ZFAT: variants seen among roughly 807,000 people sequenced by gnomAD.
ZFAT encodes the protein zinc finger and AT-hook domain containing.
A neutral mutation model predicts 117.7 loss-of-function variants in ZFAT; 64 were observed. The ratio of observed to expected loss-of-function variants is 0.54; its 90% CI spans 0.44 to 0.67. The LOEUF (loss-of-function observed/expected upper bound fraction) is 0.67, where lower values mean the gene tolerates loss of function less well. Ranked by LOEUF, ZFAT falls within the 30% of genes least tolerant of loss-of-function variation. ZFAT has a pLI of 0.00. For missense variants in ZFAT, 1,433 were observed against 1,584.5 expected (o/e 0.90, Z 1.62); for synonymous variants, 679 against 615.0 (o/e 1.10, Z -1.54).
At chr8:134,712,716 TC>T (rs1814056866) in intron 1 of ZFAT, 128 bp downstream of exon 1, 1 of 736,434 alleles carries the variant, frequency 1.4e-6, no homozygotes, top group African/African-American at 2.2e-5. Flanking sequence ...CCCGGATCCC[TC>T]CGCGGCCGGC....
intron 7 of ZFAT, 131 bp from the exon 8 acceptor site, chr8:134,590,486 C>G (rs898114720): frequency 1.5e-6 from 1 of 646,114 alleles, no homozygotes; most frequent in African/African-American, 1.8e-5. Context: ...CAGTCATCAC[C>G]ACCACCACCA....
At chr8:134,816,772 G>A in the ZFAT span, among the ~76,000 whole-genome samples, 2 of 152,130 alleles carry the variant, frequency 1.3e-5, no homozygotes, top group African/African-American at 4.8e-5. Flanking sequence ...CAGGAGGTCA[G>A]GAGTTCGAGA....
the ZFAT span, among the ~76,000 whole-genome samples, chr8:134,789,429 A>C: frequency 6.6e-6 from 1 of 152,200 alleles, no homozygotes; most frequent in South Asian, 2.1e-4. Context: ...TTCCCTTGGA[A>C]TGATTTTGCT....
intron 15 of ZFAT, among the ~76,000 whole-genome samples, chr8:134,486,768 C>T (rs1332685143): frequency 6.6e-6 from 1 of 152,096 alleles, no homozygotes; most frequent in Admixed American, 6.6e-5. Flanking sequence ...GTGAGCACCA[C>T]GATGAGCAGG....
chr8:134,726,504 CCT>C, the ZFAT span, among the ~76,000 whole-genome samples: 2 of 152,140 alleles, frequency 1.3e-5, no homozygotes, highest in Non-Finnish European at 2.9e-5. Flanking sequence ...CACCAATTTG[CCT>C]CTTAGTGCAC....
At chr8:134,600,390 T>C (rs1400703765) in intron 7 of ZFAT, 46 bp downstream of exon 7, 3 of 1,533,352 alleles carry the variant, frequency 2.0e-6, no homozygotes, top group Non-Finnish European at 2.7e-6. Context: ...GAGAAAGCAA[T>C]GAGCACCCAG....
intron 15 of ZFAT, among the ~76,000 whole-genome samples, chr8:134,494,088 C>A (rs945360706): frequency 6.6e-6 from 1 of 152,056 alleles, no homozygotes; most frequent in African/African-American, 2.4e-5. Context: ...CCAGGCCTGG[C>A]GTGGCAGCTC....
chr8:134,521,717 CAA>C (rs1227245250), intron 12 of ZFAT, among the ~76,000 whole-genome samples: 1 of 152,152 alleles, frequency 6.6e-6, no homozygotes, highest in African/African-American at 2.4e-5. Flanking sequence ...GCAGCCTGTA[CAA>C]AAGTCTCTTT....
At chr8:134,753,443 C>T in the ZFAT span, among the ~76,000 whole-genome samples, 1 of 152,228 alleles carries the variant, frequency 6.6e-6, no homozygotes, top group Admixed American at 6.5e-5. Context: ...CACACTCGCA[C>T]ATGACTGGCT....
intron 15 of ZFAT, among the ~76,000 whole-genome samples, chr8:134,485,405 T>A (rs1394841483): frequency 6.6e-6 from 1 of 152,196 alleles, no homozygotes; most frequent in Non-Finnish European, 1.5e-5. Context: ...CTCTTTCCTC[T>A]CTAATGAGAA....
At chr8:134,631,986 A>C (rs578104707) in intron 3 of ZFAT, among the ~76,000 whole-genome samples, 103 of 152,274 alleles carry the variant, frequency 6.8e-4, no homozygotes, top group African/African-American at 2.3e-3. Context: ...CTATGACTTC[A>C]AATATTTTAT....
chr8:134,722,155 A>G, the ZFAT span, among the ~76,000 whole-genome samples: 1 of 152,196 alleles, frequency 6.6e-6, no homozygotes, highest in Non-Finnish European at 1.5e-5. Flanking sequence ...TCACGGGAGA[A>G]AAAAAGCTCT....
intron 13 of ZFAT, among the ~76,000 whole-genome samples, chr8:134,516,613 T>C (rs1050147760): frequency 6.6e-6 from 1 of 152,120 alleles, no homozygotes; most frequent in Non-Finnish European, 1.5e-5. Flanking sequence ...GGTGGGAAGA[T>C]TGCTTGAGGC....
chr8:134,790,498 T>G, the ZFAT span, among the ~76,000 whole-genome samples: 158 of 152,260 alleles, frequency 1.0e-3, no homozygotes, highest in Non-Finnish European at 1.7e-3. Flanking sequence ...GGAGTATGCA[T>G]GAGAGAAGGA....
chr8:134,695,267 C>G (rs1003662868), intron 1 of ZFAT, among the ~76,000 whole-genome samples: 1 of 152,180 alleles, frequency 6.6e-6, no homozygotes, highest in African/African-American at 2.4e-5. Context: ...CGGCTCTGCT[C>G]CCAGTAGGGC....
chr8:134,578,304 G>C (rs551739378), intron 10 of ZFAT, among the ~76,000 whole-genome samples: 35 of 151,798 alleles, frequency 2.3e-4, no homozygotes, highest in African/African-American at 8.5e-4. Flanking sequence ...CCAGCTACTC[G>C]GGAGGCTGAG....
At chr8:134,761,303 A>G in the ZFAT span, among the ~76,000 whole-genome samples, 1 of 152,160 alleles carries the variant, frequency 6.6e-6, no homozygotes, top group South Asian at 2.1e-4. Flanking sequence ...GGGAAGACAG[A>G]GCAAGCATTT....
At chr8:134,537,178 C>T (rs1056331347) in intron 11 of ZFAT, among the ~76,000 whole-genome samples, 2 of 152,282 alleles carry the variant, frequency 1.3e-5, no homozygotes, top group Non-Finnish European at 2.9e-5. Flanking sequence ...ATGGTACGTG[C>T]AATTATTATC....
At chr8:134,630,985 G>A (rs908788965) in intron 3 of ZFAT, among the ~76,000 whole-genome samples, 2 of 152,198 alleles carry the variant, frequency 1.3e-5, no homozygotes, top group Non-Finnish European at 2.9e-5. Flanking sequence ...AGAGAACACG[G>A]TGCAATCACA....
Sources: gnomAD v4.1 joint callset for allele counts (sites outside exome capture counted in the v4.1 genomes callset) on GRCh38, gnomAD v4.1.1 for gene constraint, MANE v1.5 for transcripts, NCBI Gene and HGNC (gene_info 2026-07-23, HGNC 2026-07-21) for gene names.